INPP4B: variants seen among roughly 807,000 people sequenced by gnomAD.
The protein encoded by INPP4B is inositol polyphosphate 4-phosphatase type II.
A neutral mutation model predicts 122.5 loss-of-function variants in INPP4B; 55 were observed. The observed-to-expected ratio is 0.45, with a 90% CI of 0.36 to 0.56. The LOEUF (loss-of-function observed/expected upper bound fraction) is 0.56. Among genes scored for constraint, INPP4B ranks in the 20% least tolerant of loss-of-function variants. INPP4B has a pLI of 0.00. For missense variants in INPP4B, 1,000 were observed against 1,097.7 expected (o/e 0.91, Z 1.26); for synonymous variants, 403 against 388.7 (o/e 1.04, Z -0.43).
chr4:142,807,416 G>C (rs1778997176), intron 1 of INPP4B, among the ~76,000 whole-genome samples: 1 of 152,180 alleles, frequency 6.6e-6, no homozygotes, highest in Non-Finnish European at 1.5e-5. Flanking sequence ...TGCTAAACTG[G>C]AAAGTGGTAT....
At chr4:142,365,824 A>T (rs773884848) in intron 7 of INPP4B, among the ~76,000 whole-genome samples, 15 of 151,874 alleles carry the variant, frequency 9.9e-5, no homozygotes, top group Non-Finnish European at 2.2e-4. Flanking sequence ...TTTTTCCCTC[A>T]CTTACTCAGG....
intron 15 of INPP4B, among the ~76,000 whole-genome samples, chr4:142,189,395 C>G (rs746590805): frequency 6.6e-6 from 1 of 152,150 alleles, no homozygotes; most frequent in African/African-American, 2.4e-5. Context: ...CTATAGCATA[C>G]TTATATATAC....
chr4:142,744,693 G>C (rs1007796416), intron 1 of INPP4B, among the ~76,000 whole-genome samples: 1 of 151,376 alleles, frequency 6.6e-6, no homozygotes, highest in Non-Finnish European at 1.5e-5. Context: ...TCAAAAATAA[G>C]GTAAAATGGG....
At chr4:142,030,437 G>T in intron 25 of INPP4B, 3 of 777,566 alleles carry the variant, frequency 3.9e-6, no homozygotes, top group Non-Finnish European at 5.9e-6. Flanking sequence ...GAAATCTTAT[G>T]GTAAATTTCC....
chr4:142,370,480 T>A (rs933484940), intron 7 of INPP4B, among the ~76,000 whole-genome samples: 1 of 151,984 alleles, frequency 6.6e-6, no homozygotes, highest in Non-Finnish European at 1.5e-5. Context: ...ATAAAAGACA[T>A]CCAAATTGGA....
chr4:142,452,074 C>CCT (rs1282112994), intron 3 of INPP4B, among the ~76,000 whole-genome samples: 1 of 152,126 alleles, frequency 6.6e-6, no homozygotes, highest in Admixed American at 6.6e-5. Flanking sequence ...TGCCGACAGG[C>CCT]CTCTGTGTGT....
At chr4:142,325,903 G>A (rs1772174188) in intron 7 of INPP4B, among the ~76,000 whole-genome samples, 1 of 151,766 alleles carries the variant, frequency 6.6e-6, no homozygotes, top group Non-Finnish European at 1.5e-5. Context: ...TTCCCTTTCC[G>A]ACTATTATAG....
At chr4:142,449,698 C>CAAAAAA (rs761552688) in intron 3 of INPP4B, among the ~76,000 whole-genome samples, 3 of 105,252 alleles carry the variant, frequency 2.9e-5, no homozygotes, top group African/African-American at 1.0e-4. Context: ...GACTCTGTCC[C>CAAAAAA]AAAAAAAAAA....
At chr4:142,270,603 C>T (rs996801601) in intron 10 of INPP4B, 60 bp downstream of exon 10, 11 of 1,149,348 alleles carry the variant, frequency 9.6e-6, no homozygotes, top group African/African-American at 4.5e-5. Flanking sequence ...GTGAGACAGA[C>T]ATCTGGCAAA....
In INPP4B at chr4:142,579,895, A is replaced by G. The variant is rs560317042; in HGVS notation, c.-190-117169T>C. ...GATAGGTAGGTAGATAGATAGATAG[A>G]TAGATAGATAGATAGATAGATAGAT... On this transcript the variant is annotated intron_variant, in intron 2 of 25. Transcript: ENST00000262992. 2.2e-4 allele frequency among the ~76,000 whole-genome samples: 32 copies of G among 147,906 alleles called. No individual in the cohort carries two copies. In the East Asian group the frequency reaches 3.7e-3, roughly 17 times the overall value.
At chr4:142,295,336 T>G (rs1758217019) in intron 9 of INPP4B, among the ~76,000 whole-genome samples, 1 of 152,166 alleles carries the variant, frequency 6.6e-6, no homozygotes, top group Non-Finnish European at 1.5e-5. Flanking sequence ...TGTCAATGAC[T>G]GTGGATGGGG....
intron 15 of INPP4B, among the ~76,000 whole-genome samples, chr4:142,187,146 C>T (rs1300255011): frequency 6.6e-6 from 1 of 151,972 alleles, no homozygotes; most frequent in Non-Finnish European, 1.5e-5. Flanking sequence ...CTTTAATTAC[C>T]ATCTCCTTCA....
intron 2 of INPP4B, among the ~76,000 whole-genome samples, chr4:142,658,032 T>C (rs1034840133): frequency 2.0e-5 from 3 of 152,212 alleles, no homozygotes; most frequent in Non-Finnish European, 4.4e-5. Flanking sequence ...TGTTCACATA[T>C]GTTCCAAAAT....
At chr4:142,836,536 C>T (rs1782795942) in intron 1 of INPP4B, among the ~76,000 whole-genome samples, 1 of 151,898 alleles carries the variant, frequency 6.6e-6, no homozygotes, top group South Asian at 2.1e-4. Context: ...TGGAAAAACG[C>T]TTAACTATTT....
At chr4:142,221,086 G>A (rs571082899) in intron 12 of INPP4B, among the ~76,000 whole-genome samples, 113 of 152,138 alleles carry the variant, frequency 7.4e-4, no homozygotes, top group Non-Finnish European at 1.5e-3. Context: ...GCTATGCTGT[G>A]TGGACTCTCT....
intron 2 of INPP4B, among the ~76,000 whole-genome samples, chr4:142,637,359 C>T (rs1749392618): frequency 1.3e-5 from 2 of 152,194 alleles, no homozygotes; most frequent in Admixed American, 1.3e-4. Flanking sequence ...TTCATCCCTC[C>T]TGACCCTGCA....
At chr4:142,536,462 AG>A (rs1828203708) in intron 2 of INPP4B, among the ~76,000 whole-genome samples, 1 of 152,192 alleles carries the variant, frequency 6.6e-6, no homozygotes, top group Non-Finnish European at 1.5e-5. Flanking sequence ...AATCAACAAA[AG>A]GCTATATCAT....
At chr4:142,358,054 T>A (rs1306651907) in intron 7 of INPP4B, among the ~76,000 whole-genome samples, 2 of 152,078 alleles carry the variant, frequency 1.3e-5, no homozygotes, top group South Asian at 2.1e-4. Flanking sequence ...ATTTGATATG[T>A]TTCTTACAAT....
At chr4:142,184,553 T>C (rs2055212) in intron 15 of INPP4B, among the ~76,000 whole-genome samples, 24,139 of 152,184 alleles carry the variant, frequency 0.16, 2,073 homozygotes, top group South Asian at 0.27. Flanking sequence ...GGCAACACTT[T>C]GATGTTACTC....
Sources: gnomAD v4.1 joint callset for allele counts (sites outside exome capture counted in the v4.1 genomes callset) on GRCh38, gnomAD v4.1.1 for gene constraint, MANE v1.5 for transcripts, NCBI Gene and HGNC (gene_info 2026-07-23, HGNC 2026-07-21) for gene names.